The following SLC44A5 variants were observed in gnomAD, a reference collection of about 807,000 sequenced individuals.
SLC44A5 encodes choline transporter-like protein 5.
SLC44A5 carries 57 observed loss-of-function variants against 101.8 expected under a neutral mutation model. The observed-to-expected ratio is 0.56, with a 90% CI of 0.45 to 0.70. The LOEUF (loss-of-function observed/expected upper bound fraction) is 0.70. Ranked by LOEUF, SLC44A5 falls within the 30% of genes least tolerant of loss-of-function variation. The probability of loss-of-function intolerance (pLI) is 0.00; values close to 1 mark genes in which losing one functional copy is unlikely to be tolerated. For synonymous variants in SLC44A5, 281 were observed against 290.9 expected (o/e 0.97, Z 0.35); for missense variants, 737 against 853.1 (o/e 0.86, Z 1.70).
chr1:75,474,478 T>C (rs1667278605), intron 2 of SLC44A5, among the ~76,000 whole-genome samples: 1 of 152,222 alleles, frequency 6.6e-6, no homozygotes, highest in African/African-American at 2.4e-5. Flanking sequence ...CCTCTGACTT[T>C]AACATTTTCT....
At chr1:75,568,095 G>C (rs1227561733) in intron 1 of SLC44A5, among the ~76,000 whole-genome samples, 1 of 152,070 alleles carries the variant, frequency 6.6e-6, no homozygotes, top group African/African-American at 2.4e-5. Context: ...ATTTTGTTTT[G>C]TACTTTTTTT....
chr1:75,626,366 C>A, the SLC44A5 span, among the ~76,000 whole-genome samples: 1 of 152,124 alleles, frequency 6.6e-6, no homozygotes, highest in Non-Finnish European at 1.5e-5. Context: ...AGGGAGGAGG[C>A]TGACCATCTC....
At chr1:75,317,272 C>T (rs1655764842) in intron 4 of SLC44A5, among the ~76,000 whole-genome samples, 1 of 152,180 alleles carries the variant, frequency 6.6e-6, no homozygotes, top group South Asian at 2.1e-4. Flanking sequence ...CACAGCCGGA[C>T]TTAGACTTAA....
chr1:75,280,442 A>ATT (rs1557614237), intron 5 of SLC44A5, among the ~76,000 whole-genome samples: 3 of 23,800 alleles, frequency 1.3e-4, no homozygotes, highest in African/African-American at 5.1e-4. Context: ...TATTATATAT[A>ATT]GTATATATTA....
intron 23 of SLC44A5, chr1:75,206,388 T>C (rs1233433418): frequency 4.6e-6 from 2 of 430,718 alleles, no homozygotes; most frequent in Non-Finnish European, 8.2e-6. Context: ...TTAAAAAACG[T>C]TTGACATTAA....
chr1:75,454,925 T>C (rs1014455172), intron 2 of SLC44A5, among the ~76,000 whole-genome samples: 2 of 152,010 alleles, frequency 1.3e-5, no homozygotes, highest in African/African-American at 4.8e-5. Flanking sequence ...ATTGAAAGAA[T>C]AAATATCATT....
At chr1:75,256,815 T>C (rs1650060129) in intron 6 of SLC44A5, among the ~76,000 whole-genome samples, 1 of 152,112 alleles carries the variant, frequency 6.6e-6, no homozygotes, top group Admixed American at 6.6e-5. Context: ...TTGCATACTA[T>C]TTAAAGTCAT....
intron 1 of SLC44A5, among the ~76,000 whole-genome samples, chr1:75,550,636 G>T (rs911491790): frequency 6.6e-6 from 1 of 152,068 alleles, no homozygotes; most frequent in African/African-American, 2.4e-5. Flanking sequence ...GCTGCTGAGG[G>T]AGTAATCTCC....
chr1:75,251,056 T>C (rs1649526684), intron 7 of SLC44A5, among the ~76,000 whole-genome samples, 154 bp downstream of exon 7: 1 of 152,202 alleles, frequency 6.6e-6, no homozygotes, highest in African/African-American at 2.4e-5. Context: ...TAAACAAATA[T>C]AAGCTCATAC....
chr1:75,352,551 T>A (rs1177596190), intron 3 of SLC44A5, among the ~76,000 whole-genome samples: 1 of 152,130 alleles, frequency 6.6e-6, no homozygotes, highest in African/African-American at 2.4e-5. Context: ...TCAATCTCAT[T>A]AGCAATTAGG....
At chr1:75,225,388 G>C (rs967216195) in intron 13 of SLC44A5, among the ~76,000 whole-genome samples, 2 of 152,192 alleles carry the variant, frequency 1.3e-5, no homozygotes, top group Admixed American at 6.5e-5. Context: ...GCATTTCTCA[G>C]AACGTATTTC....
chr1:75,231,250 A>G (rs998091210), intron 12 of SLC44A5, among the ~76,000 whole-genome samples: 4 of 152,288 alleles, frequency 2.6e-5, no homozygotes, highest in South Asian at 2.1e-4. Flanking sequence ...CAGCACTGCT[A>G]TGGGTTACCC....
chr1:75,275,407 A>C (rs1321186908), intron 5 of SLC44A5, among the ~76,000 whole-genome samples: 3 of 152,190 alleles, frequency 2.0e-5, no homozygotes, highest in African/African-American at 7.2e-5. Flanking sequence ...CAGACCTAAT[A>C]CATTTACAGT....
At chr1:75,440,942 A>G (rs1665161632) in intron 2 of SLC44A5, among the ~76,000 whole-genome samples, 1 of 150,988 alleles carries the variant, frequency 6.6e-6, no homozygotes. Flanking sequence ...TAAATAATAT[A>G]TTACTAATAT....
intron 2 of SLC44A5, among the ~76,000 whole-genome samples, chr1:75,481,597 C>G (rs1255858654): frequency 6.6e-6 from 1 of 151,898 alleles, no homozygotes; most frequent in Non-Finnish European, 1.5e-5. Flanking sequence ...GGGCGAAGGA[C>G]ATGAACAGAC....
At chr1:75,396,454 T>C in intron 3 of SLC44A5, 129 bp downstream of exon 3, 1 of 775,502 alleles carries the variant, frequency 1.3e-6, no homozygotes, top group African/African-American at 1.7e-5. Context: ...CAAAAAAAGC[T>C]TCAGTCAGCA....
chr1:75,257,721 C>G (rs1339806812), intron 6 of SLC44A5, among the ~76,000 whole-genome samples: 1 of 152,156 alleles, frequency 6.6e-6, no homozygotes, highest in African/African-American at 2.4e-5. Context: ...TCTCACACCC[C>G]TCCCTGAGGT....
At chr1:75,441,339 T>C (rs1484707176) in intron 2 of SLC44A5, among the ~76,000 whole-genome samples, 1 of 152,152 alleles carries the variant, frequency 6.6e-6, no homozygotes, top group Non-Finnish European at 1.5e-5. Flanking sequence ...ACTTCAGTCA[T>C]TGTGATAATC....
the SLC44A5 span, among the ~76,000 whole-genome samples, chr1:75,618,206 G>A: frequency 3.3e-5 from 5 of 152,322 alleles, no homozygotes; most frequent in East Asian, 9.6e-4. Flanking sequence ...TAGTTGACTA[G>A]TTAGGACTAT....
Sources: gnomAD v4.1 joint callset for allele counts (sites outside exome capture counted in the v4.1 genomes callset) on GRCh38, gnomAD v4.1.1 for gene constraint, MANE v1.5 for transcripts, NCBI Gene and HGNC (gene_info 2026-07-23, HGNC 2026-07-21) for gene names.